Variants in MYO10 observed in about 807,000 individuals in gnomAD.
The protein encoded by MYO10 is unconventional myosin-X.
Under a neutral mutation model 257.3 loss-of-function variants are expected in MYO10, and 133 were observed. That is an observed-to-expected ratio of 0.52 (90% confidence interval 0.45 to 0.60). MYO10 has a LOEUF of 0.60. Among genes scored for constraint, MYO10 ranks in the 20% least tolerant of loss-of-function variants. The pLI, the probability that MYO10 is intolerant of heterozygous loss-of-function variation, is 0.00. For missense variants in MYO10, 2,399 were observed against 2,635.7 expected (o/e 0.91, Z 1.97); for synonymous variants, 1,104 against 1,028.6 (o/e 1.07, Z -1.40).
intron 26 of MYO10, among the ~76,000 whole-genome samples, 179 bp downstream of exon 26, chr5:16,699,271 T>A (rs1737911735): frequency 6.6e-6 from 1 of 152,054 alleles, no homozygotes; most frequent in Non-Finnish European, 1.5e-5. Context: ...AAGGTGTCCC[T>A]TCATTCATCT....
chr5:16,742,969 A>T (rs894999135), intron 19 of MYO10, among the ~76,000 whole-genome samples: 7 of 151,986 alleles, frequency 4.6e-5, no homozygotes, highest in African/African-American at 1.5e-4. Flanking sequence ...AAAAATACAA[A>T]ATTAGCCGGG....
At chr5:16,851,465 C>CAT (rs1743799062) in intron 2 of MYO10, among the ~76,000 whole-genome samples, 1 of 152,154 alleles carries the variant, frequency 6.6e-6, no homozygotes, top group African/African-American at 2.4e-5. Context: ...ACTTGGGTCA[C>CAT]ATGTTTGTTA....
Position 16,764,276 on chromosome 5 carries a change from C to G in MYO10, c.1300G>C (p.Asp434His). 2 of 1,613,962 alleles carry G rather than the reference C, an allele frequency of 1.2e-6. No individual in the cohort carries two copies. Among genetic ancestry groups the G allele is most frequent in the Non-Finnish European group, 8.5e-7 (1 of 1,179,874 alleles). The change falls in exon 12 of 41, where the codon GAC (aspartate) becomes CAC (histidine). Residue 434 changes from aspartate (D) to histidine (H), a missense_variant. Coordinates refer to ENST00000513610, the MANE Select transcript of MYO10 (RefSeq NM_012334.3). ...NEDFKSIGIL[D>H]IFGFENFEVN... The stretch of plus-strand genomic sequence containing the variant: ...TCAAAGTTTTCAAATCCAAAGATGT[C>G]GAGGATGCCAATAGACTTGAAGTCC...
intron 17 of MYO10, among the ~76,000 whole-genome samples, chr5:16,760,293 T>C (rs1273431954): frequency 7.3e-5 from 6 of 82,344 alleles, no homozygotes; most frequent in African/African-American, 3.3e-4. Context: ...CTACTAAAGA[T>C]ACAAAAAAAA....
At chr5:16,685,866 C>T in intron 28 of MYO10, 35 bp from the exon 29 acceptor site, 3 of 1,525,958 alleles carry the variant, frequency 2.0e-6, no homozygotes, top group Non-Finnish European at 1.8e-6. Flanking sequence ...CAAGGAGAGG[C>T]CAACCTCGTA....
At position 16,820,898 on chromosome 5, in the gene MYO10, T is replaced by C. The variant is rs993538194; in HGVS notation, c.121-2731A>G. Among the ~76,000 whole-genome samples the C allele has an allele frequency of 2.0e-4, 29 of 148,656 alleles. No individual in the cohort carries two copies. In the East Asian group the frequency reaches 5.7e-3, roughly 29 times the overall value. On this transcript the variant is annotated intron_variant, in intron 2 of 40. Transcript: ENST00000513610. Reference sequence around the variant, plus strand: ...TATAAAACATCTTATATGTAATACATATATCTTATATGTATTTTACATATA... The same window carrying C: ...TATAAAACATCTTATATGTAATACACATATCTTATATGTATTTTACATATA...
chr5:16,730,250 T>C (rs1739529161), intron 19 of MYO10, among the ~76,000 whole-genome samples: 1 of 152,198 alleles, frequency 6.6e-6, no homozygotes, highest in Admixed American at 6.5e-5. Context: ...ACGCTTCTTA[T>C]TAAATGTGGG....
intron 2 of MYO10, among the ~76,000 whole-genome samples, chr5:16,863,172 G>C (rs1379914856): frequency 6.6e-6 from 1 of 152,188 alleles, no homozygotes; most frequent in Non-Finnish European, 1.5e-5. Flanking sequence ...TCACGACCCA[G>C]GGCACAGGCC....
intron 2 of MYO10, among the ~76,000 whole-genome samples, chr5:16,824,446 T>C (rs1464449203): frequency 2.6e-5 from 4 of 152,120 alleles, no homozygotes; most frequent in African/African-American, 9.7e-5. Context: ...TACCCAATAC[T>C]ACCCAAAATG....
chr5:16,733,622 A>C (rs149089559), intron 19 of MYO10, among the ~76,000 whole-genome samples: 16 of 152,206 alleles, frequency 1.1e-4, no homozygotes, highest in African/African-American at 3.9e-4. Flanking sequence ...TTTCTTGCTT[A>C]TTCATGTATT....
Position 16,694,502 on chromosome 5 carries a change from C to T in MYO10, c.3669G>A (p.Gly1223=), listed in dbSNP as rs138827481. Residue 1223 remains glycine (G), a synonymous_variant, in exon 27 of 41, where the codon GGG becomes GGA. Coordinates refer to ENST00000513610, the MANE Select transcript of MYO10 (RefSeq NM_012334.3). ...TCCTGGACAGCGTGGAGGAGCCCCC[C>T]CCTTTTTTGTGGAGCCAGCCTTGCT... ...ALKQGWLHKK[G]GGSSTLSRRN... 1,109 of 1,614,030 alleles carry T rather than the reference C, an allele frequency of 6.9e-4. 20 individuals are homozygous for T. In the South Asian group the frequency reaches 0.012, roughly 17 times the overall value.
At chr5:16,822,296 T>C (rs1199557192) in intron 2 of MYO10, among the ~76,000 whole-genome samples, 1 of 152,146 alleles carries the variant, frequency 6.6e-6, no homozygotes, top group Admixed American at 6.5e-5. Context: ...AAATAATTCC[T>C]ATGAGGAAAA....
intron 33 of MYO10, among the ~76,000 whole-genome samples, chr5:16,677,565 G>T (rs895402808): frequency 6.6e-6 from 1 of 151,308 alleles, no homozygotes; most frequent in Non-Finnish European, 1.5e-5. Flanking sequence ...ACAGGCGCCT[G>T]CCACCACACC....
At chr5:16,719,993 T>C (rs60663544) in intron 19 of MYO10, among the ~76,000 whole-genome samples, 3,601 of 125,228 alleles carry the variant, frequency 0.029, 143 homozygotes, top group African/African-American at 0.17. Context: ...TGCGTGCGTG[T>C]GTGTGTGTGT....
At chr5:16,795,171 G>A (rs1475205171) in intron 3 of MYO10, among the ~76,000 whole-genome samples, 1 of 152,272 alleles carries the variant, frequency 6.6e-6, no homozygotes, top group East Asian at 1.9e-4. Context: ...CCAGTCTCCT[G>A]TCTCATTAAA....
At chr5:16,878,796 A>G (rs549911865) in intron 1 of MYO10, among the ~76,000 whole-genome samples, 4 of 152,320 alleles carry the variant, frequency 2.6e-5, no homozygotes, top group African/African-American at 7.2e-5. Context: ...ATGCAAAGGC[A>G]TAAGAATGAC....
intron 21 of MYO10, among the ~76,000 whole-genome samples, 168 bp from the exon 22 acceptor site, chr5:16,704,853 G>A (rs535612769): frequency 1.3e-5 from 2 of 152,176 alleles, no homozygotes; most frequent in South Asian, 2.1e-4. Flanking sequence ...ACCTGTCATG[G>A]GCTAAAACAG....
chr5:16,716,867 CTT>C (rs1287355737), intron 19 of MYO10, among the ~76,000 whole-genome samples: 1 of 152,112 alleles, frequency 6.6e-6, no homozygotes, highest in Non-Finnish European at 1.5e-5. Flanking sequence ...AAGTCTCACT[CTT>C]GTCACCCAGG....
At chr5:16,855,537 C>A (rs1275009758) in intron 2 of MYO10, among the ~76,000 whole-genome samples, 3 of 152,186 alleles carry the variant, frequency 2.0e-5, no homozygotes, top group Non-Finnish European at 1.5e-5. Context: ...GAAATAGCTG[C>A]AAATTTTAAT....
Sources: gnomAD v4.1 joint callset for allele counts (sites outside exome capture counted in the v4.1 genomes callset) on GRCh38, gnomAD v4.1.1 for gene constraint, MANE v1.5 for transcripts, NCBI Gene and HGNC (gene_info 2026-07-23, HGNC 2026-07-21) for gene names.